SPIDR: variants seen among roughly 807,000 people sequenced by gnomAD.
The protein encoded by SPIDR is scaffold protein involved in DNA repair, also known as DNA repair-scaffolding protein.
A neutral mutation model predicts 104.6 loss-of-function variants in SPIDR; 93 were observed. The observed-to-expected ratio is 0.89, with a 90% CI of 0.75 to 1.06. SPIDR has a LOEUF of 1.06. Among genes scored for constraint, SPIDR ranks in the 50% least tolerant of loss-of-function variants. The pLI is 0.00. For missense variants in SPIDR, 1,154 were observed against 1,111.2 expected (o/e 1.04, Z -0.55); for synonymous variants, 431 against 416.9 (o/e 1.03, Z -0.41).
At position 47,599,133 on chromosome 8, in the gene SPIDR, G is replaced by A; in HGVS notation, c.1481G>A (p.Ser494Asn). Residue 494 changes from serine to asparagine, a missense_variant, in exon 10 of 20, where the codon AGC becomes AAC. Ser to Asn is a conservative substitution (Grantham distance 46). Transcript: ENST00000297423. ...GTGCAAAGAGTGTATTCTCTTCCCAGCAGAGACAGCACCAGGGGTCAGCAG... is the reference window on the plus strand; with the variant it reads ...GTGCAAAGAGTGTATTCTCTTCCCAACAGAGACAGCACCAGGGGTCAGCAG... ...VVVQRVYSLP[S>N]RDSTRGQQGA... 6.2e-7 allele frequency: 1 copy of A among 1,613,448 alleles called. No homozygotes were observed. Among genetic ancestry groups the A allele is most frequent in the Admixed American group, 1.7e-5 (1 of 59,878 alleles).
At position 47,287,331 on chromosome 8, in the gene SPIDR, C is replaced by CT. The variant is rs1224094994; in HGVS notation, c.256+3238dup. ...GAAATCAAAAACTCCTGATAAGGGT[C>CT]TATGTTCAGCTGTGCACATATTGTC... On this transcript the variant is annotated intron_variant, in intron 3 of 19. Transcript: ENST00000297423. 1.1e-3 allele frequency among the ~76,000 whole-genome samples: 172 copies of CT among 152,292 alleles called. 1 individual carries two copies. The highest frequency in any genetic ancestry group is 3.9e-3 in the African/African-American group (162 of 41,548).
intron 6 of SPIDR, among the ~76,000 whole-genome samples, chr8:47,401,096 G>C (rs916250099): frequency 2.0e-5 from 3 of 152,092 alleles, no homozygotes; most frequent in Non-Finnish European, 2.9e-5. Flanking sequence ...GAAAGGTCGG[G>C]TTACTCACAA....
chr8:47,403,838 A>T (rs959694199), intron 6 of SPIDR, among the ~76,000 whole-genome samples: 5 of 152,228 alleles, frequency 3.3e-5, no homozygotes, highest in Non-Finnish European at 7.3e-5. Flanking sequence ...TCTTCACAGA[A>T]TTGGAAAAAA....
chr8:47,725,954 T>TTACC (rs2084168220), intron 16 of SPIDR, among the ~76,000 whole-genome samples: 1 of 152,256 alleles, frequency 6.6e-6, no homozygotes, highest in Admixed American at 6.5e-5. Flanking sequence ...CAAACATCAG[T>TTACC]AAACCAGTGA....
chr8:47,510,428 C>A (rs1204851646), intron 8 of SPIDR, among the ~76,000 whole-genome samples: 3 of 151,900 alleles, frequency 2.0e-5, no homozygotes, highest in Non-Finnish European at 4.4e-5. Context: ...AAGTTTATTC[C>A]AAGGAAATTG....
chr8:47,491,004 A>T (rs1413808690), intron 8 of SPIDR, among the ~76,000 whole-genome samples: 1 of 152,054 alleles, frequency 6.6e-6, no homozygotes, highest in African/African-American at 2.4e-5. Flanking sequence ...TAATAAAATA[A>T]AATATAATCA....
intron 11 of SPIDR, among the ~76,000 whole-genome samples, chr8:47,679,031 G>T (rs909357419): frequency 6.6e-6 from 1 of 152,040 alleles, no homozygotes; most frequent in Non-Finnish European, 1.5e-5. Flanking sequence ...TCCCTCACAG[G>T]CCAGTCTCAT....
intron 7 of SPIDR, among the ~76,000 whole-genome samples, chr8:47,409,372 T>C (rs1452900384): frequency 6.6e-6 from 1 of 152,148 alleles, no homozygotes; most frequent in African/African-American, 2.4e-5. Flanking sequence ...AATTGCTTGA[T>C]ATTGAAAAGA....
At chr8:47,608,674 G>A (rs1239521339) in intron 10 of SPIDR, among the ~76,000 whole-genome samples, 1 of 152,136 alleles carries the variant, frequency 6.6e-6, no homozygotes, top group Admixed American at 6.6e-5. Flanking sequence ...TCTCATTGTG[G>A]CTTTGATTTG....
At chr8:47,589,736 G>A (rs1415201651) in intron 8 of SPIDR, among the ~76,000 whole-genome samples, 4 of 152,132 alleles carry the variant, frequency 2.6e-5, no homozygotes, top group South Asian at 2.1e-4. Context: ...GACAGCCTCC[G>A]TCTTATTCTT....
intron 10 of SPIDR, among the ~76,000 whole-genome samples, chr8:47,609,503 A>G (rs574219450): frequency 6.6e-6 from 1 of 152,170 alleles, no homozygotes; most frequent in Non-Finnish European, 1.5e-5. Flanking sequence ...TTTTATTTAA[A>G]TGTATATCTT....
At chr8:47,487,855 A>G in intron 8 of SPIDR, among the ~76,000 whole-genome samples, 1 of 152,222 alleles carries the variant, frequency 6.6e-6, no homozygotes, top group East Asian at 1.9e-4. Context: ...CATTCAAAGC[A>G]GTGTGTAGAG....
Position 47,526,942 on chromosome 8 carries a change from C to T in SPIDR, c.1098-68869C>T, listed in dbSNP as rs566311755. Among the ~76,000 whole-genome samples, 47 of 152,260 alleles carry T rather than the reference C, an allele frequency of 3.1e-4. 1 individual carries two copies. The South Asian group carries it at 4.8e-3, about 15-fold the overall frequency. On this transcript the variant is annotated intron_variant, in intron 8 of 19. Coordinates refer to ENST00000297423, the MANE Select transcript of SPIDR (RefSeq NM_001080394.4). ...CCCAGAGCAAAAGACCTGAAGGGGACGTATCCAGCAGAACTCAGAAGCAGC... is the reference window on the plus strand; with the variant it reads ...CCCAGAGCAAAAGACCTGAAGGGGATGTATCCAGCAGAACTCAGAAGCAGC...
Position 47,728,969 on chromosome 8 carries a change from C to T in SPIDR, c.2472C>T (p.Val824=), listed in dbSNP as rs2154493897. 1.9e-6 allele frequency: 3 copies of T among 1,613,862 alleles called. No homozygotes were observed. The highest frequency in any genetic ancestry group is 1.1e-5 in the South Asian group (1 of 91,064). Residue 824 remains valine, a synonymous_variant, in exon 18 of 20, where the codon GTC becomes GTT. Coordinates refer to ENST00000297423, the MANE Select transcript of SPIDR (RefSeq NM_001080394.4). ...CCTGTGGGGACTGCTCCCGGGTGGT[C>T]ACATCTCCTGTTCTCAAGAGGCACC... ...AFSCGDCSRV[V]TSPVLKRHLQ...
intron 8 of SPIDR, among the ~76,000 whole-genome samples, chr8:47,490,747 CA>C (rs1215174003): frequency 2.0e-5 from 3 of 151,994 alleles, no homozygotes; most frequent in Non-Finnish European, 4.4e-5. Flanking sequence ...ATCGCAAGGA[CA>C]AAAAACCAAA....
intron 3 of SPIDR, 101 bp downstream of exon 3, chr8:47,284,195 G>A (rs2038360230): frequency 8.0e-6 from 7 of 869,646 alleles, no homozygotes; most frequent in South Asian, 7.2e-5. Context: ...GACATGGTTT[G>A]GGTAGACTAT....
At chr8:47,267,083 AATTTTTTATTGCATGGAC>A (rs2034235224) in intron 1 of SPIDR, among the ~76,000 whole-genome samples, 1 of 152,196 alleles carries the variant, frequency 6.6e-6, no homozygotes, top group Admixed American at 6.5e-5. Flanking sequence ...ATTTTGAATA[AATTTTTTATTGCATGGAC>A]ATACTGCATT....
intron 1 of SPIDR, among the ~76,000 whole-genome samples, chr8:47,263,729 T>C (rs1170214230): frequency 6.6e-6 from 1 of 152,216 alleles, no homozygotes; most frequent in Non-Finnish European, 1.5e-5. Context: ...ATAATGCCAG[T>C]TCTCCCATTT....
chr8:47,597,610 A>G (rs1400165090), intron 9 of SPIDR, among the ~76,000 whole-genome samples: 3 of 152,316 alleles, frequency 2.0e-5, no homozygotes, highest in South Asian at 2.1e-4. Context: ...CTATTCTTGT[A>G]ATGTCTAAGA....
Sources: gnomAD v4.1 joint callset for allele counts (sites outside exome capture counted in the v4.1 genomes callset) on GRCh38, gnomAD v4.1.1 for gene constraint, MANE v1.5 for transcripts, NCBI Gene and HGNC (gene_info 2026-07-23, HGNC 2026-07-21) for gene names.